The following MEP1A variants were observed in gnomAD, a reference collection of about 807,000 sequenced individuals.
MEP1A encodes the protein meprin A subunit alpha, also known as N-benzoyl-L-tyrosyl-P-amino-benzoic acid hydrolase subunit alpha.
MEP1A carries 68 observed loss-of-function variants against 84.5 expected under a neutral mutation model. The observed-to-expected ratio is 0.80, with a 90% CI of 0.66 to 0.98. The LOEUF (loss-of-function observed/expected upper bound fraction) is 0.98. Among genes scored for constraint, MEP1A ranks in the 50% least tolerant of loss-of-function variants. The pLI is 0.00. For missense variants in MEP1A, 887 were observed against 919.9 expected (o/e 0.96, Z 0.46); for synonymous variants, 337 against 336.8 (o/e 1.00, Z -0.01).
chr6:46,799,269 C>A, intron 5 of MEP1A, 88 bp downstream of exon 5: 1 of 853,592 alleles, frequency 1.2e-6, no homozygotes, highest in Admixed American at 1.9e-5. Flanking sequence ...TGGGAGTAAC[C>A]ACCACGATCT....
At chr6:46,834,303 A>G (rs1169739123) in intron 11 of MEP1A, among the ~76,000 whole-genome samples, 1 of 151,970 alleles carries the variant, frequency 6.6e-6, no homozygotes, top group Non-Finnish European at 1.5e-5. Flanking sequence ...TTCATTAAGA[A>G]AGTCGCTCAG....
chr6:46,843,604 G>A (rs1768369672), downstream of MEP1A, among the ~76,000 whole-genome samples: 1 of 152,144 alleles, frequency 6.6e-6, no homozygotes, highest in South Asian at 2.1e-4. Flanking sequence ...AACTGCTATT[G>A]GAGTGTGTGT....
chr6:46,822,645 G>A (rs1158895455), intron 7 of MEP1A, among the ~76,000 whole-genome samples: 2 of 152,066 alleles, frequency 1.3e-5, no homozygotes, highest in African/African-American at 2.4e-5. Context: ...CTGGGTTCAA[G>A]CGATTCTCAT....
chr6:46,800,315 T>A (rs1439579530), intron 5 of MEP1A, among the ~76,000 whole-genome samples: 3 of 152,182 alleles, frequency 2.0e-5, no homozygotes. Context: ...TGTAAGGTAG[T>A]GCTTCTCAGA....
At chr6:46,806,408 C>A (rs990219101) in intron 5 of MEP1A, among the ~76,000 whole-genome samples, 1 of 151,972 alleles carries the variant, frequency 6.6e-6, no homozygotes, top group Non-Finnish European at 1.5e-5. Flanking sequence ...TGTGGTCTTG[C>A]CCTTAGTTCA....
rs75393728 is a variant in MEP1A at position 46,795,020 on chromosome 6, C to A, written c.145+1304C>A. 3.9e-5 allele frequency among the ~76,000 whole-genome samples: 6 copies of A among 152,272 alleles called. No homozygotes were observed. In the East Asian group the frequency reaches 1.2e-3, roughly 29 times the overall value. Reference sequence around the variant, plus strand: ...AGGATTGATTGGGTTAGCCATATGGCCAGATTCTAACACCATAAATTGGGA... The same window carrying A: ...AGGATTGATTGGGTTAGCCATATGGACAGATTCTAACACCATAAATTGGGA... On this transcript the variant is annotated intron_variant, in intron 3 of 13. Coordinates refer to ENST00000230588, the MANE Select transcript of MEP1A (RefSeq NM_005588.3).
chr6:46,833,250 T>C lies in MEP1A; in HGVS notation c.1321T>C (p.Phe441Leu), dbSNP rs774596105. The change falls in exon 11 of 14, where the codon TTC becomes CTC. Residue 441 changes from phenylalanine (F) to leucine (L), a missense_variant. Physicochemically the swap from Phe to Leu is conservative, Grantham distance 22. Coordinates refer to ENST00000230588, the MANE Select transcript of MEP1A (RefSeq NM_005588.3). Reference sequence around the variant, plus strand: ...CACAGGGGTCTGGACAGTCCGGAATTTCTCCCAAGTCCTTGAGAACACCAG... The same window carrying C: ...CACAGGGGTCTGGACAGTCCGGAATCTCTCCCAAGTCCTTGAGAACACCAG... ...CPTGVWTVRNFSQVLENTSKG... is the reference protein window; with the variant it reads ...CPTGVWTVRNLSQVLENTSKG... 12 of 1,614,156 alleles carry C rather than the reference T, an allele frequency of 7.4e-6. No homozygotes were observed. Among genetic ancestry groups the C allele is most frequent in the Non-Finnish European group, 1.0e-5 (12 of 1,180,020 alleles).
At chr6:46,801,244 T>A (rs1767192202) in intron 5 of MEP1A, among the ~76,000 whole-genome samples, 2 of 152,152 alleles carry the variant, frequency 1.3e-5, no homozygotes, top group South Asian at 4.1e-4. Flanking sequence ...CCTGAAAATA[T>A]ATGAGTGTTT....
Position 46,825,421 on chromosome 6 carries a change from A to G in MEP1A, c.706A>G (p.Asn236Asp). ...PTITAKIPEF[N>D]SIIGQRLDFS... is the part of the protein sequence containing the mutation. ...CATCACAGCCAAGATCCCTGAGTTTAACTCCATTATCGGACAGCGCCTGGA... is the reference window on the plus strand; with the variant it reads ...CATCACAGCCAAGATCCCTGAGTTTGACTCCATTATCGGACAGCGCCTGGA... Residue 236 changes from asparagine (N) to aspartate (D), a missense_variant, in exon 8 of 14, where the codon AAC becomes GAC. Physicochemically the swap from Asn to Asp is conservative, Grantham distance 23. Transcript: ENST00000230588. The G allele has an allele frequency of 6.2e-7, 1 of 1,613,926 alleles. No individual in the cohort carries two copies. The highest frequency in any genetic ancestry group is 8.5e-7 in the Non-Finnish European group (1 of 1,179,884).
intron 6 of MEP1A, among the ~76,000 whole-genome samples, chr6:46,812,318 G>A (rs559008670): frequency 6.6e-6 from 1 of 151,892 alleles, no homozygotes; most frequent in South Asian, 2.1e-4. Flanking sequence ...AGTTGTAATA[G>A]CTCCCATTTT....
chr6:46,833,059 G>C lies in MEP1A; in HGVS notation c.1145-15G>C. 1 of 1,453,562 alleles carries C rather than the reference G, an allele frequency of 6.9e-7. No individual in the cohort carries two copies. The highest frequency in any genetic ancestry group is 9.3e-7 in the Non-Finnish European group (1 of 1,077,968). The allele number at this position is 1,453,562 out of a possible 1,614,324, so 90.0% of individuals were successfully genotyped here. A position where few individuals can be genotyped will look rare whatever the true frequency, so the allele number is the denominator to read the frequency against. On this transcript the variant is annotated splice_polypyrimidine_tract_variant and intron_variant, in intron 10 of 13. Transcript: ENST00000230588. ...GTTGGTCACAGTTCTCACCAGCCTT[G>C]TTCTCTGTCCTCAGGAGATGATGAC...
chr6:46,799,723 G>A (rs1480285614), intron 5 of MEP1A, among the ~76,000 whole-genome samples: 4 of 152,122 alleles, frequency 2.6e-5, no homozygotes, highest in Non-Finnish European at 5.9e-5. Context: ...ATAATGACTA[G>A]TAGAATGACT....
Position 46,835,271 on chromosome 6 carries a change from T to C in MEP1A, c.1806T>C (p.Thr602=). ...DFEDITHLSQ[T]EVPTKGKRLS... ...AAGATATCACCCACCTCAGCCAGAC[T>C]GAAGTTCCCACTAAAGGCAAAAGAC... The change falls in exon 13 of 14, where the codon ACT becomes ACC. Residue 602 remains threonine, a synonymous_variant. Transcript: ENST00000230588. The C allele has an allele frequency of 6.2e-7, 1 of 1,601,198 alleles. No homozygotes were observed. Among genetic ancestry groups the C allele is most frequent in the South Asian group, 1.1e-5 (1 of 88,870 alleles).
At chr6:46,834,171 C>T (rs1385492196) in intron 11 of MEP1A, among the ~76,000 whole-genome samples, 1 of 151,926 alleles carries the variant, frequency 6.6e-6, no homozygotes, top group East Asian at 1.9e-4. Context: ...AATCCACCCG[C>T]TTTGGCCTCC....
At chr6:46,812,394 C>G (rs1767525563) in intron 6 of MEP1A, among the ~76,000 whole-genome samples, 1 of 151,882 alleles carries the variant, frequency 6.6e-6, no homozygotes, top group Admixed American at 6.6e-5. Context: ...AATAATCTAT[C>G]AATTTTATTT....
At chr6:46,832,195 T>A (rs1321757389) in intron 10 of MEP1A, among the ~76,000 whole-genome samples, 1 of 152,218 alleles carries the variant, frequency 6.6e-6, no homozygotes, top group Non-Finnish European at 1.5e-5. Flanking sequence ...GGAAGCATTT[T>A]TCCTCTCCTC....
intron 7 of MEP1A, among the ~76,000 whole-genome samples, chr6:46,823,311 G>T (rs1767825016): frequency 6.6e-6 from 1 of 151,998 alleles, no homozygotes; most frequent in Non-Finnish European, 1.5e-5. Flanking sequence ...CTCTCTAATT[G>T]TTCAAAGTAA....
At chr6:46,820,629 C>T (rs1404782613) in intron 7 of MEP1A, among the ~76,000 whole-genome samples, 3 of 152,190 alleles carry the variant, frequency 2.0e-5, no homozygotes, top group South Asian at 4.1e-4. Flanking sequence ...CTCAGGTGAT[C>T]GGCCTGCCTT....
the MEP1A span, among the ~76,000 whole-genome samples, chr6:46,845,564 C>A: frequency 8.5e-5 from 13 of 152,264 alleles, no homozygotes; most frequent in African/African-American, 3.1e-4. Flanking sequence ...TTAGACTAAG[C>A]CAATCATGAT....
Sources: gnomAD v4.1 joint callset for allele counts (sites outside exome capture counted in the v4.1 genomes callset) on GRCh38, gnomAD v4.1.1 for gene constraint, MANE v1.5 for transcripts, NCBI Gene and HGNC (gene_info 2026-07-23, HGNC 2026-07-21) for gene names.